The following COL22A1 variants were observed in gnomAD, a reference collection of about 807,000 sequenced individuals.
The protein encoded by COL22A1 is collagen alpha-1(XXII) chain.
Under a neutral mutation model 248.9 loss-of-function variants are expected in COL22A1, and 221 were observed. The ratio of observed to expected loss-of-function variants is 0.89; its 90% CI spans 0.80 to 0.99. The LOEUF (loss-of-function observed/expected upper bound fraction) is 0.99. Ranked by LOEUF, COL22A1 falls within the 50% of genes least tolerant of loss-of-function variation. The pLI is 0.00. For synonymous variants in COL22A1, 891 were observed against 793.4 expected (o/e 1.12, Z -2.07); for missense variants, 2,240 against 2,179.0 (o/e 1.03, Z -0.56).
intron 7 of COL22A1, 46 bp downstream of exon 7, chr8:138,821,090 C>T (rs765386213): frequency 6.3e-7 from 1 of 1,597,172 alleles, no homozygotes; most frequent in South Asian, 1.1e-5. Context: ...AAGGCTTCTC[C>T]CCGGTGGCCT....
intron 32 of COL22A1, among the ~76,000 whole-genome samples, chr8:138,695,323 AC>A: frequency 6.6e-6 from 1 of 151,526 alleles, no homozygotes; most frequent in Admixed American, 6.6e-5. Flanking sequence ...CCCAAACACT[AC>A]TTTTTCTCCC....
At chr8:138,809,295 A>G (rs1243386204) in intron 9 of COL22A1, among the ~76,000 whole-genome samples, 1 of 152,162 alleles carries the variant, frequency 6.6e-6, no homozygotes, top group African/African-American at 2.4e-5. Context: ...TGTAGACTAC[A>G]GAATTTTTGA....
At chr8:138,789,861 T>C (rs1815875840) in intron 12 of COL22A1, among the ~76,000 whole-genome samples, 1 of 152,198 alleles carries the variant, frequency 6.6e-6, no homozygotes, top group African/African-American at 2.4e-5. Flanking sequence ...AAGAGGTCAA[T>C]AAAAGACTGA....
Position 138,860,170 on chromosome 8 carries a change from C to T in COL22A1, c.659-16012G>A, listed in dbSNP as rs756038252. The stretch of plus-strand genomic sequence containing the variant: ...AGCTTCCTGCTGGCTCACATTCCTC[C>T]GTCAGACTTCTACACATCACAAGAC... On this transcript the variant is annotated intron_variant, in intron 3 of 64. Coordinates refer to ENST00000303045, the MANE Select transcript of COL22A1 (RefSeq NM_152888.3). 3.3e-5 allele frequency among the ~76,000 whole-genome samples: 5 copies of T among 152,336 alleles called. No homozygotes were observed. In the South Asian group the frequency reaches 6.2e-4, roughly 19 times the overall value.
intron 56 of COL22A1, among the ~76,000 whole-genome samples, chr8:138,609,046 C>T (rs555300792): frequency 7.7e-4 from 117 of 152,332 alleles, no homozygotes; most frequent in Non-Finnish European, 1.3e-3. Context: ...CTCTAATGTG[C>T]GAAGCATGCA....
rs111230206 is a variant in COL22A1 at position 138,794,072 on chromosome 8, C to T, written c.1596+2747G>A. On this transcript the variant is annotated intron_variant, in intron 12 of 64. Coordinates refer to ENST00000303045, the MANE Select transcript of COL22A1 (RefSeq NM_152888.3). ...GTGCTCGGCCTCTGCCCACTGGAAC[C>T]GAGCATGCAAGCAACAATGAAAGTA... Among the ~76,000 whole-genome samples, 1,021 of 152,242 alleles carry T rather than the reference C, an allele frequency of 6.7e-3. 11 individuals carry two copies. Among genetic ancestry groups the T allele is most frequent in the African/African-American group, 0.023 (961 of 41,534 alleles).
intron 31 of COL22A1, 37 bp from the exon 32 acceptor site, chr8:138,700,181 T>A: frequency 6.2e-7 from 1 of 1,606,438 alleles, no homozygotes. Context: ...AAGATGGGCA[T>A]CAAGGAACCC....
intron 31 of COL22A1, among the ~76,000 whole-genome samples, chr8:138,702,472 C>A (rs1828044863): frequency 6.6e-6 from 1 of 152,114 alleles, no homozygotes; most frequent in African/African-American, 2.4e-5. Context: ...CCTCTCCTGG[C>A]ATCCCCTGCA....
chr8:138,691,023 C>T, intron 35 of COL22A1, 149 bp from the exon 36 acceptor site: 1 of 580,332 alleles, frequency 1.7e-6, no homozygotes. Context: ...TGAACCTCCT[C>T]TCCGGAGGGC....
intron 4 of COL22A1, among the ~76,000 whole-genome samples, 171 bp downstream of exon 4, chr8:138,843,913 C>T (rs1821053662): frequency 6.6e-6 from 1 of 152,182 alleles, no homozygotes. Context: ...TTGGATGGTT[C>T]TTTGATGAGA....
intron 41 of COL22A1, among the ~76,000 whole-genome samples, chr8:138,671,193 A>G (rs1335700408): frequency 1.3e-5 from 2 of 152,168 alleles, no homozygotes; most frequent in Admixed American, 1.3e-4. Context: ...ATTAAGAAAA[A>G]GTAAGGTATG....
intron 12 of COL22A1, among the ~76,000 whole-genome samples, chr8:138,785,072 T>C (rs1443474023): frequency 6.6e-6 from 1 of 152,176 alleles, no homozygotes; most frequent in African/African-American, 2.4e-5. Flanking sequence ...CCAGGGAGTC[T>C]ACATGGCAGA....
chr8:138,784,816 C>A (rs777435585), intron 12 of COL22A1, among the ~76,000 whole-genome samples: 37 of 152,160 alleles, frequency 2.4e-4, no homozygotes, highest in Admixed American at 1.2e-3. Flanking sequence ...TCACAGACAG[C>A]TGATTAGCTC....
intron 23 of COL22A1, among the ~76,000 whole-genome samples, chr8:138,725,706 ATGTT>A (rs1012541525): frequency 1.3e-5 from 2 of 152,126 alleles, no homozygotes; most frequent in African/African-American, 4.8e-5. Context: ...TATATTCAAA[ATGTT>A]TGAACATTTA....
At chr8:138,718,264 G>C (rs1219710468) in intron 27 of COL22A1, among the ~76,000 whole-genome samples, 4 of 152,196 alleles carry the variant, frequency 2.6e-5, no homozygotes, top group Non-Finnish European at 4.4e-5. Flanking sequence ...ATGTTTACAA[G>C]CACAATTAGT....
At chr8:138,715,783 G>A in intron 29 of COL22A1, 48 bp from the exon 30 acceptor site, 1 of 1,352,674 alleles carries the variant, frequency 7.4e-7, no homozygotes, top group Non-Finnish European at 1.0e-6. Context: ...AAACCGAGCT[G>A]AATTCCTGCC....
intron 1 of COL22A1, among the ~76,000 whole-genome samples, chr8:138,903,455 T>A (rs537680245): frequency 2.0e-5 from 3 of 152,226 alleles, no homozygotes; most frequent in African/African-American, 7.2e-5. Flanking sequence ...AAATCATATG[T>A]TGCATCCCAT....
At chr8:138,791,461 C>T (rs1816029375) in intron 12 of COL22A1, among the ~76,000 whole-genome samples, 1 of 152,202 alleles carries the variant, frequency 6.6e-6, no homozygotes, top group South Asian at 2.1e-4. Context: ...AGGTCAATTG[C>T]AAACTTAAGA....
At chr8:138,779,305 AC>A (rs1276720910) in intron 14 of COL22A1, among the ~76,000 whole-genome samples, 1 of 152,246 alleles carries the variant, frequency 6.6e-6, no homozygotes, top group African/African-American at 2.4e-5. Flanking sequence ...TTGTTAAATA[AC>A]AAAGATAAAT....
Sources: allele counts gnomAD v4.1 joint callset (sites outside exome capture counted in the v4.1 genomes callset), GRCh38; gene constraint gnomAD v4.1.1; transcripts MANE v1.5; gene names NCBI Gene and HGNC (gene_info 2026-07-23, HGNC 2026-07-21).